WWOX: variants seen among roughly 807,000 people sequenced by gnomAD.
The protein encoded by WWOX is WW domain containing oxidoreductase, also known as WW domain-containing oxidoreductase.
Under a neutral mutation model 46.2 loss-of-function variants are expected in WWOX, and 69 were observed. That is an observed-to-expected ratio of 1.49 (90% confidence interval 1.23 to 1.82). WWOX has a LOEUF of 1.82. Among genes scored for constraint, WWOX ranks in the 40% most tolerant of loss-of-function variants. The pLI is 0.00. For missense variants in WWOX, 919 were observed against 542.6 expected, an observed-to-expected ratio of 1.69 and a Z score of -6.89; for synonymous variants, 359 against 202.6, an observed-to-expected ratio of 1.77 and a Z score of -6.56.
At chr16:79,127,326 C>T (rs2049779632) in intron 8 of WWOX, among the ~76,000 whole-genome samples, 1 of 152,108 alleles carries the variant, frequency 6.6e-6, no homozygotes, top group Non-Finnish European at 1.5e-5. Flanking sequence ...TATGCATTTA[C>T]AAGGCAATAT....
intron 5 of WWOX, among the ~76,000 whole-genome samples, chr16:78,214,573 T>G (rs908906064): frequency 4.6e-5 from 7 of 152,204 alleles, no homozygotes; most frequent in African/African-American, 1.7e-4. Context: ...CTGTCCCTTC[T>G]AATCATGCCA....
chr16:78,960,656 A>G (rs76194521), intron 8 of WWOX, among the ~76,000 whole-genome samples: 2 of 152,220 alleles, frequency 1.3e-5, no homozygotes, highest in Non-Finnish European at 2.9e-5. Context: ...TCTGGAGGGA[A>G]CAGAGAGCCA....
chr16:78,931,617 T>A (rs1281062451), intron 8 of WWOX, among the ~76,000 whole-genome samples: 1 of 152,146 alleles, frequency 6.6e-6, no homozygotes, highest in Non-Finnish European at 1.5e-5. Flanking sequence ...CATATAAAAG[T>A]AATTAGGTAA....
intron 8 of WWOX, among the ~76,000 whole-genome samples, chr16:79,139,931 A>C (rs1038616912): frequency 6.6e-6 from 1 of 152,204 alleles, no homozygotes; most frequent in Non-Finnish European, 1.5e-5. Context: ...TAATTCTCCA[A>C]ATACGGACTT....
At chr16:78,103,047 C>G (rs1291603450) in intron 1 of WWOX, among the ~76,000 whole-genome samples, 1 of 152,176 alleles carries the variant, frequency 6.6e-6, no homozygotes, top group East Asian at 1.9e-4. Flanking sequence ...GAGCCTGGCG[C>G]TAGGGCCCTG....
chr16:78,827,152 G>A (rs1432973627), intron 8 of WWOX, among the ~76,000 whole-genome samples: 2 of 152,084 alleles, frequency 1.3e-5, no homozygotes, highest in African/African-American at 2.4e-5. Context: ...AAATTTAGCT[G>A]TTCCCCCAAC....
At chr16:79,000,160 C>G (rs1190308831) in intron 8 of WWOX, among the ~76,000 whole-genome samples, 21 of 152,150 alleles carry the variant, frequency 1.4e-4, no homozygotes, top group Admixed American at 1.4e-3. Context: ...CACCATCTCC[C>G]TGCACCCCTT....
intron 8 of WWOX, among the ~76,000 whole-genome samples, chr16:78,800,644 G>A (rs940654680): frequency 6.6e-6 from 1 of 152,186 alleles, no homozygotes; most frequent in Non-Finnish European, 1.5e-5. Context: ...ACGGCCAAAG[G>A]GGAAGCTGAG....
chr16:78,718,546 A>C (rs968533004), intron 8 of WWOX, among the ~76,000 whole-genome samples: 1 of 152,102 alleles, frequency 6.6e-6, no homozygotes, highest in African/African-American at 2.4e-5. Context: ...TCTTTTAGAA[A>C]ATTAATACAC....
chr16:78,422,776 T>TATATATATATACACAC (rs1567563535), intron 6 of WWOX, among the ~76,000 whole-genome samples: 1,523 of 111,418 alleles, frequency 0.014, 116 homozygotes, highest in African/African-American at 0.074. Context: ...TATACACACA[T>TATATATATATACACAC]ATATATATAC....
intron 8 of WWOX, chr16:79,017,125 T>C (rs2047430536): frequency 6.6e-6 from 1 of 152,140 alleles, no homozygotes; most frequent in African/African-American, 2.4e-5. Flanking sequence ...TCTCTTGCCT[T>C]GTCCACAGAA....
At chr16:78,286,307 G>A (rs770314045) in intron 5 of WWOX, among the ~76,000 whole-genome samples, 1 of 152,198 alleles carries the variant, frequency 6.6e-6, no homozygotes, top group African/African-American at 2.4e-5. Flanking sequence ...CCCAGTGGGC[G>A]AAAAATTTGA....
chr16:78,360,214 C>G (rs1196804995), intron 5 of WWOX, among the ~76,000 whole-genome samples: 4 of 152,280 alleles, frequency 2.6e-5, no homozygotes, highest in African/African-American at 9.6e-5. Context: ...GTGAGGACAT[C>G]CACCTGCTCT....
chr16:78,413,003 C>G (rs968467959), intron 6 of WWOX, among the ~76,000 whole-genome samples: 11 of 152,070 alleles, frequency 7.2e-5, no homozygotes, highest in African/African-American at 2.7e-4. Flanking sequence ...TCAGAAAGAT[C>G]TGATTGAGCT....
chr16:78,126,133 G>C (rs138938236), intron 4 of WWOX, among the ~76,000 whole-genome samples: 21 of 152,208 alleles, frequency 1.4e-4, no homozygotes, highest in African/African-American at 4.8e-4. Context: ...TCCATTATGT[G>C]GTTCCAGCTC....
intron 8 of WWOX, among the ~76,000 whole-genome samples, chr16:79,075,074 T>C (rs1017058905): frequency 6.6e-6 from 1 of 152,180 alleles, no homozygotes; most frequent in Non-Finnish European, 1.5e-5. Flanking sequence ...GCAATAGTTA[T>C]TACTTTGTTT....
At chr16:78,477,837 A>T (rs1037265397) in intron 8 of WWOX, among the ~76,000 whole-genome samples, 2 of 152,202 alleles carry the variant, frequency 1.3e-5, no homozygotes, top group African/African-American at 4.8e-5. Context: ...AAAAAATCTG[A>T]TTCTTTTACT....
chr16:78,474,879 T>A (rs1008152701), intron 8 of WWOX, among the ~76,000 whole-genome samples: 3 of 152,242 alleles, frequency 2.0e-5, no homozygotes, highest in African/African-American at 7.2e-5. Flanking sequence ...GCATCATGTT[T>A]TCAAGATACT....
intron 8 of WWOX, among the ~76,000 whole-genome samples, chr16:79,086,084 C>T (rs1223457578): frequency 7.2e-6 from 1 of 139,106 alleles, no homozygotes; most frequent in Non-Finnish European, 1.6e-5. Context: ...AAAAAAAGAG[C>T]AGTATAGTCA....
Sources: allele counts gnomAD v4.1 joint callset (sites outside exome capture counted in the v4.1 genomes callset), GRCh38; gene constraint gnomAD v4.1.1; transcripts MANE v1.5; gene names NCBI Gene and HGNC (gene_info 2026-07-23, HGNC 2026-07-21).